The following EPS8L2 variants were observed in gnomAD, a reference collection of about 807,000 sequenced individuals.
The protein encoded by EPS8L2 is EPS8 signaling adaptor L2.
EPS8L2 carries 81 observed loss-of-function variants against 99.4 expected under a neutral mutation model. That is an observed-to-expected ratio of 0.82 (90% CI 0.68 to 0.98). The LOEUF (loss-of-function observed/expected upper bound fraction) is 0.98. Ranked by LOEUF, EPS8L2 falls within the 50% of genes least tolerant of loss-of-function variation. The probability of loss-of-function intolerance (pLI) is 0.00; values close to 1 mark genes in which losing one functional copy is unlikely to be tolerated. For missense variants in EPS8L2, 1,155 were observed against 968.8 expected (o/e 1.19, Z -2.55); for synonymous variants, 509 against 407.3 (o/e 1.25, Z -3.01).
chr11:712,072 C>T (rs184434684), intron 4 of EPS8L2, among the ~76,000 whole-genome samples: 179 of 150,526 alleles, frequency 1.2e-3, no homozygotes, highest in Middle Eastern at 7.0e-3. Context: ...GATCACCTGA[C>T]GTCAGGAGTT....
At chr11:718,504 G>C (rs1196063805) in intron 4 of EPS8L2, among the ~76,000 whole-genome samples, 2 of 120,180 alleles carry the variant, frequency 1.7e-5, no homozygotes, top group African/African-American at 6.8e-5. Flanking sequence ...TTTTTAGTTT[G>C]AGACAGGGTC....
Position 726,308 on chromosome 11 carries a change from C to T in EPS8L2, c.1758C>T (p.Leu586=), listed in dbSNP as rs1267543286. The T allele has an allele frequency of 1.2e-6, 2 of 1,607,582 alleles. No individual in the cohort carries two copies. The highest frequency in any genetic ancestry group is 2.2e-5 in the East Asian group (1 of 44,616). ...CTGAGTCGCGCGCCCCCTCAGAGCTCATGCAGCACATGGACGAGGTCAACG... is the reference window on the plus strand; with the variant it reads ...CTGAGTCGCGCGCCCCCTCAGAGCTTATGCAGCACATGGACGAGGTCAACG... ...PPSFPGNKDE[L]MQHMDEVNDE... is the part of the protein sequence containing the mutation. The change falls in exon 19 of 21, where the codon CTC becomes CTT. Residue 586 remains leucine, a synonymous_variant. Coordinates refer to ENST00000318562, the MANE Select transcript of EPS8L2 (RefSeq NM_022772.4).
chr11:727,220 T>TGGTGGTGCCAGCCCCTG lies in EPS8L2; in HGVS notation c.*240_*241insGTGGTGCCAGCCCCTGG. 2.2e-6 allele frequency: 1 copy of TGGTGGTGCCAGCCCCTG among 444,888 alleles called. No homozygotes were observed. Among genetic ancestry groups the TGGTGGTGCCAGCCCCTG allele is most frequent in the Non-Finnish European group, 4.0e-6 (1 of 247,550 alleles). 27.6% of individuals were successfully genotyped at this position (444,888 alleles called of 1,614,324 possible). On this transcript the variant is annotated 3_prime_UTR_variant, in exon 21 of 21. Transcript: ENST00000318562. ...CTGCTGCTTGGTGGTGCCAGCCCCTTGTCCACCTTCTCTTGAGGCCACAGA... is the reference window on the plus strand; with the variant it reads ...CTGCTGCTTGGTGGTGCCAGCCCCTTGGTGGTGCCAGCCCCTGGTCCACCTTCTCTTGAGGCCACAGA...
At chr11:716,973 T>TTTTA (rs1037919117) in intron 4 of EPS8L2, among the ~76,000 whole-genome samples, 8 of 152,204 alleles carry the variant, frequency 5.3e-5, no homozygotes, top group Admixed American at 4.6e-4. Flanking sequence ...TGCACACTTA[T>TTTTA]TTTATTTATT....
At position 726,814 on chromosome 11, in the gene EPS8L2, C is replaced by G. The variant is rs10902207; in HGVS notation, c.2067+63C>G. Reference sequence around the variant, plus strand: ...CCCCTGCGCCCTCCTCTCCCCCGCCCGTTCCTGGGGTCGCAGAGCAAGGGG... The same window carrying G: ...CCCCTGCGCCCTCCTCTCCCCCGCCGGTTCCTGGGGTCGCAGAGCAAGGGG... On this transcript the variant is annotated intron_variant, in intron 20 of 20. Transcript: ENST00000318562. 0.24 allele frequency: 380,663 copies of G among 1,579,688 alleles called. 49,674 individuals carry two copies. The highest frequency in any genetic ancestry group is 0.49 in the African/African-American group (36,818 of 74,544).
intron 8 of EPS8L2, 22 bp downstream of exon 8, chr11:721,228 G>T: frequency 6.5e-7 from 1 of 1,533,800 alleles, no homozygotes; most frequent in South Asian, 1.2e-5. Flanking sequence ...GGCTGGAGGG[G>T]GCTCCACAGG....
rs1454081873 is a variant in EPS8L2 at position 722,761 on chromosome 11, G to A, written c.1297G>A (p.Ala433Thr). The A allele has an allele frequency of 2.5e-6, 4 of 1,603,040 alleles. No homozygotes were observed. Among genetic ancestry groups the A allele is most frequent in the Non-Finnish European group, 3.4e-6 (4 of 1,176,100 alleles). ...GCCTCCTGTGGATGTGCTGCAGGAG[G>A]CCCCCTGGGAGGTGGAGGGGCTGGC... is the stretch of plus-strand genomic sequence containing the variant. ...WEPPVDVLQE[A>T]PWEVEGLASA... The change falls in exon 14 of 21, where the codon GCC becomes ACC. Residue 433 changes from alanine (A) to threonine (T), a missense_variant. Physicochemically the swap from Ala to Thr is moderately conservative, Grantham distance 58. Transcript: ENST00000318562.
Position 710,492 on chromosome 11 carries a change from GC to G in EPS8L2, c.165+10del, listed in dbSNP as rs775984254. On this transcript the variant is annotated splice_region_variant and intron_variant, in intron 4 of 20. Coordinates refer to ENST00000318562, the MANE Select transcript of EPS8L2 (RefSeq NM_022772.4). The stretch of plus-strand genomic sequence containing the variant: ...CCTCGCAGTACCACGTCCAGGTAAG[GC>G]CCCGCCCCCAGGTAGGCTCCGCCCC... 1 of 1,613,412 alleles carries G rather than the reference GC, an allele frequency of 6.2e-7. No homozygotes were observed. Among genetic ancestry groups the G allele is most frequent in the Admixed American group, 1.7e-5 (1 of 60,016 alleles).
intron 4 of EPS8L2, among the ~76,000 whole-genome samples, chr11:715,673 T>G (rs997224552): frequency 4.1e-5 from 6 of 146,240 alleles, no homozygotes; most frequent in Admixed American, 7.1e-5. Flanking sequence ...CAGGCTGGAG[T>G]GCAGTGGCAC....
In EPS8L2 at chr11:726,495, GC is replaced by G; in HGVS notation, c.1934+12del. ...GGCCTTCAGCCCGCGGTGAGCGGGG[GC>G]GGGGGATGAGCTGGGGCCCGGGCGA... is the stretch of plus-strand genomic sequence containing the variant. On this transcript the variant is annotated intron_variant, in intron 19 of 20. Transcript: ENST00000318562. 1 of 1,544,924 alleles carries G rather than the reference GC, an allele frequency of 6.5e-7. No individual in the cohort carries two copies. Among genetic ancestry groups the G allele is most frequent in the African/African-American group, 1.4e-5 (1 of 72,712 alleles).
At chr11:725,952 G>C in intron 17 of EPS8L2, 105 bp downstream of exon 17, 2 of 1,363,724 alleles carry the variant, frequency 1.5e-6, no homozygotes, top group South Asian at 3.1e-5. Flanking sequence ...GAGAGACTGG[G>C]GCAGGTGCAG....
rs755156774 is a variant in EPS8L2 at position 724,786 on chromosome 11, G to T, written c.1517G>T (p.Arg506Leu). The T allele has an allele frequency of 3.0e-5, 49 of 1,613,502 alleles. No individual in the cohort carries two copies. Among genetic ancestry groups the T allele is most frequent in the Non-Finnish European group, 4.0e-5 (47 of 1,179,954 alleles). The part of the protein sequence containing the change: ...YVKILYDFTA[R>L]NANELSVLKD... Reference sequence around the variant, plus strand: ...AAGATCCTGTATGACTTCACAGCCCGAAATGCCAACGAGCTATCGGTGCTC... The same window carrying T: ...AAGATCCTGTATGACTTCACAGCCCTAAATGCCAACGAGCTATCGGTGCTC... The change falls in exon 16 of 21, where the codon CGA becomes CTA. Residue 506 changes from arginine (R) to leucine (L), a missense_variant. Arg to Leu is a moderately radical substitution (Grantham distance 102, BLOSUM62 -2). Transcript: ENST00000318562. This position sits in a 1 kb window ranked among gnomAD's most constrained non-coding sequence, Gnocchi z 5.5.
chr11:725,070 T>TG, intron 16 of EPS8L2, among the ~76,000 whole-genome samples: 1 of 152,288 alleles, frequency 6.6e-6, no homozygotes, highest in South Asian at 2.1e-4. Context: ...TGTGCCAGGC[T>TG]GGGGGGAGCA....
Position 721,412 on chromosome 11 carries a change from G to T in EPS8L2, c.768+60G>T, listed in dbSNP as rs1862170980. The stretch of plus-strand genomic sequence containing the variant: ...TCCCCGCCCCCAGCAGTGGACACTG[G>T]TCCTTGCTGTCCCTCCGGCCAGTCC... On this transcript the variant is annotated intron_variant, in intron 9 of 20. Transcript: ENST00000318562. 2.0e-6 allele frequency: 3 copies of T among 1,512,592 alleles called. No homozygotes were observed. The African/African-American group carries it at 4.2e-5, about 21-fold the overall frequency. 93.7% of individuals were successfully genotyped at this position (1,512,592 alleles called of 1,614,324 possible).
In EPS8L2 at chr11:722,449, C is replaced by T; in HGVS notation, c.1108C>T (p.Pro370Ser). 6.2e-7 allele frequency: 1 copy of T among 1,613,536 alleles called. No individual in the cohort carries two copies. Among genetic ancestry groups the T allele is most frequent in the Non-Finnish European group, 8.5e-7 (1 of 1,179,944 alleles). ...GPDIARSVSC[P>S]LLSRDAVDFL... ...AGACATCGCACGCTCCGTCTCCTGC[C>T]CACTGCTCTCCCGAGATGCCGTGGA... is the stretch of plus-strand genomic sequence containing the variant. The change falls in exon 13 of 21, where the codon CCA becomes TCA. Residue 370 changes from proline (P) to serine (S), a missense_variant. Physicochemically the swap from Pro to Ser is moderately conservative, Grantham distance 74. Transcript: ENST00000318562.
intron 1 of EPS8L2, among the ~76,000 whole-genome samples, chr11:708,082 G>A (rs571916493): frequency 3.0e-4 from 45 of 152,244 alleles, no homozygotes; most frequent in African/African-American, 1.0e-3. Context: ...AGAAAGTCCC[G>A]GGTGCTCCGA....
chr11:710,593 G>T (rs575036700), intron 4 of EPS8L2, 107 bp downstream of exon 4: 2 of 1,125,094 alleles, frequency 1.8e-6, no homozygotes, highest in Non-Finnish European at 1.3e-6. Context: ...GACGGGCATG[G>T]TGGTGCCGGC....
intron 7 of EPS8L2, 43 bp downstream of exon 7, chr11:720,952 G>GTCGC (rs1308348213): frequency 3.4e-6 from 5 of 1,473,250 alleles, no homozygotes; most frequent in South Asian, 1.2e-5. Flanking sequence ...GCGGGGAGGG[G>GTCGC]AGGAGCCCGG....
At chr11:713,522 C>T (rs1271441758) in intron 4 of EPS8L2, among the ~76,000 whole-genome samples, 1 of 152,224 alleles carries the variant, frequency 6.6e-6, no homozygotes, top group Non-Finnish European at 1.5e-5. Flanking sequence ...GCTGGGACTA[C>T]AGGCGCCCGC....
Sources: allele counts gnomAD v4.1 joint callset (sites outside exome capture counted in the v4.1 genomes callset), GRCh38; gene constraint gnomAD v4.1.1; non-coding constraint Gnocchi (gnomAD v3.1); transcripts MANE v1.5; gene names NCBI Gene and HGNC (gene_info 2026-07-23, HGNC 2026-07-21).